The following ST8SIA5 variants were observed in gnomAD, a reference collection of about 807,000 sequenced individuals.
ST8SIA5 encodes ST8 alpha-N-acetyl-neuraminide alpha-2,8-sialyltransferase 5, also known as alpha-2,8-sialyltransferase 8E.
A neutral mutation model predicts 40.2 loss-of-function variants in ST8SIA5; 24 were observed. That is an observed-to-expected ratio of 0.60 (90% CI 0.43 to 0.84). ST8SIA5 has a LOEUF of 0.84. Among genes scored for constraint, ST8SIA5 ranks in the 40% least tolerant of loss-of-function variants. The pLI, the probability that ST8SIA5 is intolerant of heterozygous loss-of-function variation, is 0.00. For synonymous variants in ST8SIA5, 198 were observed against 201.8 expected (o/e 0.98, Z 0.16); for missense variants, 465 against 498.5 (o/e 0.93, Z 0.64).
chr18:46,716,086 GGATA>G (rs61514320), intron 1 of ST8SIA5, among the ~76,000 whole-genome samples: 5,144 of 139,714 alleles, frequency 0.037, 106 homozygotes, highest in African/African-American at 0.058. Context: ...GAGTCACACA[GGATA>G]GATAGATAGA....
chr18:46,687,911 T>C (rs2039463646), intron 4 of ST8SIA5, among the ~76,000 whole-genome samples: 1 of 152,228 alleles, frequency 6.6e-6, no homozygotes, highest in African/African-American at 2.4e-5. Context: ...TCAGAGTCCA[T>C]ACGCCACCAC....
chr18:46,756,808 T>G lies in ST8SIA5; in HGVS notation c.-300A>C, dbSNP rs986615508. On this transcript the variant is annotated 5_prime_UTR_variant, in exon 1 of 7. Coordinates refer to ENST00000315087, the MANE Select transcript of ST8SIA5 (RefSeq NM_013305.6). ...GCGCCGGTGCCGGGTAGCCGCCGAT[T>G]TCCCCGCGGAGGGGAGACGCCAGGT... 3 of 321,490 alleles carry G rather than the reference T, an allele frequency of 9.3e-6. No homozygotes were observed. The highest frequency in any genetic ancestry group is 5.7e-6 in the Non-Finnish European group (1 of 176,720). The allele number at this position is 321,490 out of a possible 1,614,324, so 19.9% of individuals were successfully genotyped here. A position where few individuals can be genotyped will look rare whatever the true frequency, so the allele number is the denominator to read the frequency against.
At chr18:46,723,239 G>A (rs1309118426) in intron 1 of ST8SIA5, 1 of 153,432 alleles carries the variant, frequency 6.5e-6, no homozygotes, top group Non-Finnish European at 1.5e-5. Context: ...CAGAATCATG[G>A]ATGTGGAATA....
At chr18:46,738,133 A>G (rs2144555507) in intron 1 of ST8SIA5, among the ~76,000 whole-genome samples, 1 of 152,152 alleles carries the variant, frequency 6.6e-6, no homozygotes, top group Non-Finnish European at 1.5e-5. Flanking sequence ...TCCCTAGGGT[A>G]ATAGGTAGGG....
At chr18:46,681,002 T>C (rs1278532075) in intron 6 of ST8SIA5, among the ~76,000 whole-genome samples, 2 of 140,962 alleles carry the variant, frequency 1.4e-5, no homozygotes, top group Admixed American at 1.4e-4. Context: ...GACACGGTCT[T>C]GCTCTGTCAT....
Position 46,732,151 on chromosome 18 carries a change from C to T in ST8SIA5, c.131+24227G>A, listed in dbSNP as rs893473321. Reference sequence around the variant, plus strand: ...CTTGAAACACTGTGCAGACCAAATACGACACGCTGTAGGCTGCAGACCACC... The same window carrying T: ...CTTGAAACACTGTGCAGACCAAATATGACACGCTGTAGGCTGCAGACCACC... On this transcript the variant is annotated intron_variant, in intron 1 of 6. Coordinates refer to ENST00000315087, the MANE Select transcript of ST8SIA5 (RefSeq NM_013305.6). Among the ~76,000 whole-genome samples the T allele has an allele frequency of 3.9e-5, 6 of 152,222 alleles. No individual in the cohort carries two copies. The East Asian group carries it at 7.7e-4, about 20-fold the overall frequency.
intron 1 of ST8SIA5, among the ~76,000 whole-genome samples, chr18:46,752,730 C>G (rs2040206317): frequency 6.6e-6 from 1 of 152,228 alleles, no homozygotes; most frequent in Non-Finnish European, 1.5e-5. Flanking sequence ...TCGCTAAATT[C>G]TCCCTGGAAG....
chr18:46,717,418 C>T (rs573746873), intron 1 of ST8SIA5, among the ~76,000 whole-genome samples: 1 of 152,194 alleles, frequency 6.6e-6, no homozygotes, highest in Non-Finnish European at 1.5e-5. Flanking sequence ...TCACCACAAC[C>T]TCTGCCTCCT....
intron 1 of ST8SIA5, among the ~76,000 whole-genome samples, chr18:46,749,213 G>GTTTCC (rs2040172284): frequency 6.6e-6 from 1 of 152,166 alleles, no homozygotes; most frequent in Non-Finnish European, 1.5e-5. Context: ...GGACTAGGAG[G>GTTTCC]GATAGGGGTC....
intron 1 of ST8SIA5, among the ~76,000 whole-genome samples, chr18:46,710,839 C>T (rs903300732): frequency 1.3e-5 from 2 of 152,196 alleles, no homozygotes; most frequent in African/African-American, 2.4e-5. Flanking sequence ...CCAGCAACCA[C>T]TGGCTGCTAC....
intron 1 of ST8SIA5, among the ~76,000 whole-genome samples, chr18:46,720,753 C>A (rs920953162): frequency 1.3e-5 from 2 of 152,196 alleles, no homozygotes; most frequent in Non-Finnish European, 1.5e-5. Flanking sequence ...TGCAAAAATT[C>A]TCCACAATAC....
At chr18:46,709,331 C>T (rs964374303) in intron 1 of ST8SIA5, among the ~76,000 whole-genome samples, 2 of 152,158 alleles carry the variant, frequency 1.3e-5, no homozygotes, top group East Asian at 1.9e-4. Context: ...GAGGAACGGG[C>T]CCTCGCCAGA....
At chr18:46,742,202 TA>T (rs924003876) in intron 1 of ST8SIA5, among the ~76,000 whole-genome samples, 1 of 152,082 alleles carries the variant, frequency 6.6e-6, no homozygotes, top group Non-Finnish European at 1.5e-5. Context: ...GAAAATATCT[TA>T]AAAAAATAAG....
At chr18:46,745,444 C>T (rs377422211) in intron 1 of ST8SIA5, among the ~76,000 whole-genome samples, 13 of 152,252 alleles carry the variant, frequency 8.5e-5, no homozygotes, top group East Asian at 3.9e-4. Flanking sequence ...AACACCTCTA[C>T]GCAAATAAAC....
At chr18:46,748,420 C>G (rs1445773997) in intron 1 of ST8SIA5, among the ~76,000 whole-genome samples, 1 of 151,326 alleles carries the variant, frequency 6.6e-6, no homozygotes, top group African/African-American at 2.4e-5. Flanking sequence ...AAAAATTAGC[C>G]AGGCATGATG....
intron 2 of ST8SIA5, among the ~76,000 whole-genome samples, chr18:46,692,720 T>C (rs1032609290): frequency 1.3e-5 from 2 of 152,042 alleles, no homozygotes; most frequent in African/African-American, 4.8e-5. Flanking sequence ...TCTTATTTTC[T>C]ATATTCCTGA....
rs957138392 is a variant in ST8SIA5, at chr18:46,730,222, C to T, written c.132-25558G>A. On this transcript the variant is annotated intron_variant, in intron 1 of 6. Coordinates refer to ENST00000315087, the MANE Select transcript of ST8SIA5 (RefSeq NM_013305.6). ...ATGACTCACCTCCAGGCAATGCTTG[C>T]CTCTAGAGATTCTTGGATAGGGGGG... 4 of 985,328 alleles carry T rather than the reference C, an allele frequency of 4.1e-6. No homozygotes were observed. In the African/African-American group the frequency reaches 5.2e-5, roughly 13 times the overall value. The allele number at this position is 985,328 out of a possible 1,614,324, so 61.0% of individuals were successfully genotyped here. A position where few individuals can be genotyped will look rare whatever the true frequency, so the allele number is the denominator to read the frequency against.
intron 1 of ST8SIA5, among the ~76,000 whole-genome samples, chr18:46,751,221 CAT>C (rs2040192352): frequency 1.3e-5 from 2 of 152,130 alleles, no homozygotes; most frequent in East Asian, 1.9e-4. Context: ...TCATTGGAAT[CAT>C]AGAGTATTTG....
At chr18:46,743,780 G>A (rs973994371) in intron 1 of ST8SIA5, among the ~76,000 whole-genome samples, 10 of 152,138 alleles carry the variant, frequency 6.6e-5, no homozygotes, top group African/African-American at 2.2e-4. Flanking sequence ...CACCAAAGTT[G>A]AAATGAAGGA....
Sources: gnomAD v4.1 joint callset for allele counts (sites outside exome capture counted in the v4.1 genomes callset) on GRCh38, gnomAD v4.1.1 for gene constraint, MANE v1.5 for transcripts, NCBI Gene and HGNC (gene_info 2026-07-23, HGNC 2026-07-21) for gene names.